The following CFAP47 variants were observed in gnomAD, a reference collection of about 807,000 sequenced individuals.
The protein encoded by CFAP47 is cilia- and flagella-associated protein 47.
In CFAP47, 29 loss-of-function variants were observed where a neutral mutation model predicts 148.1. The ratio of observed to expected loss-of-function variants is 0.20; its 90% CI spans 0.15 to 0.27. The LOEUF is 0.27. Among genes scored for constraint, CFAP47 ranks in the 10% least tolerant of loss-of-function variants. The probability of loss-of-function intolerance (pLI) is 1.00; values close to 1 mark genes in which losing one functional copy is unlikely to be tolerated. For synonymous variants in CFAP47, 664 were observed against 577.3 expected (o/e 1.15, Z -2.15); for missense variants, 1,872 against 1,697.5 (o/e 1.10, Z -1.81).
chrX:36,130,503 G>T (rs1938927901), intron 33 of CFAP47, among the ~76,000 whole-genome samples: 1 of 111,235 alleles, frequency 9.0e-6, no homozygotes, highest in East Asian at 2.8e-4. Context: ...AATCACTATA[G>T]AGAACAGTTT....
At chrX:36,283,312 T>C (rs1205240860) in intron 50 of CFAP47, among the ~76,000 whole-genome samples, 3 of 111,733 alleles carry the variant, frequency 2.7e-5, no homozygotes, top group African/African-American at 9.7e-5. Flanking sequence ...CAATAAATCA[T>C]TCACCAATCC....
chrX:36,381,794 GCTTTAT>G (rs782290346), intron 63 of CFAP47, among the ~76,000 whole-genome samples: 1 of 109,756 alleles, frequency 9.1e-6, no homozygotes, highest in East Asian at 2.8e-4. Flanking sequence ...AATATATGAT[GCTTTAT>G]CTTTATACTT....
At chrX:36,179,236 T>C (rs1025095500) in intron 39 of CFAP47, 109 bp from the exon 40 acceptor site, 3 of 275,222 alleles carry the variant, frequency 1.1e-5, no homozygotes, top group Non-Finnish European at 1.9e-5. Flanking sequence ...TTTATTCTGA[T>C]TCTAAGGATA....
At chrX:35,964,563 T>A (rs959347134) in intron 8 of CFAP47, among the ~76,000 whole-genome samples, 1 of 111,138 alleles carries the variant, frequency 9.0e-6, no homozygotes, top group Admixed American at 9.6e-5. Flanking sequence ...TTTCTTTCTC[T>A]CTTCTCCTTT....
intron 27 of CFAP47, among the ~76,000 whole-genome samples, chrX:36,068,588 CAGT>C (rs1937683386): frequency 9.0e-6 from 1 of 111,410 alleles, no homozygotes; most frequent in African/African-American, 3.3e-5. Context: ...TGGAATAATG[CAGT>C]TGGCAGAGTG....
rs1250173688 is a variant in CFAP47 at position 36,080,048 on chromosome X, T to C, written c.4692-5266T>C. ...ATACCCATCTGATAAAGGGCTAATA[T>C]CCAGAATCTACAAAGAACTTAAACA... On this transcript the variant is annotated intron_variant, in intron 29 of 63. Coordinates refer to ENST00000378653, the MANE Select transcript of CFAP47 (RefSeq NM_001304548.2). 3.6e-5 allele frequency among the ~76,000 whole-genome samples: 4 copies of C among 111,367 alleles called. No homozygotes were observed. The East Asian group carries it at 1.1e-3, about 31-fold the overall frequency.
chrX:36,211,543 A>G (rs1940100635), intron 45 of CFAP47: 3 of 305,272 alleles, frequency 9.8e-6, no homozygotes, highest in African/African-American at 5.6e-5. Flanking sequence ...AAGCAGCCTC[A>G]TGAAAAGAAG....
chrX:36,136,101 G>C (rs1453835873), intron 33 of CFAP47, among the ~76,000 whole-genome samples: 1 of 110,850 alleles, frequency 9.0e-6, no homozygotes, highest in East Asian at 2.9e-4. Context: ...ATGAGATTGA[G>C]ATTTTTCACT....
chrX:36,380,512 C>T (rs1378585519), intron 63 of CFAP47, among the ~76,000 whole-genome samples: 3 of 112,002 alleles, frequency 2.7e-5, no homozygotes, highest in Non-Finnish European at 5.6e-5. Context: ...GGCACGATCT[C>T]GGCTCACTGC....
intron 2 of CFAP47, among the ~76,000 whole-genome samples, chrX:35,928,568 T>C (rs1935779922): frequency 9.0e-6 from 1 of 111,663 alleles, no homozygotes; most frequent in African/African-American, 3.3e-5. Context: ...TTGATGGTTA[T>C]GTGGCTTGCA....
intron 52 of CFAP47, 87 bp downstream of exon 52, chrX:36,299,239 A>C: frequency 7.6e-6 from 4 of 523,920 alleles, no homozygotes; most frequent in Non-Finnish European, 1.1e-5. Context: ...TATAATCATT[A>C]AAATTACACT....
At chrX:36,065,885 G>C (rs1209321589) in intron 27 of CFAP47, 142 bp downstream of exon 27, 5 of 401,540 alleles carry the variant, frequency 1.2e-5, no homozygotes, top group South Asian at 4.5e-5. Flanking sequence ...ATTGAGAGTA[G>C]AATCTGTATG....
chrX:35,953,668 G>A lies in CFAP47; in HGVS notation c.1123G>A (p.Val375Ile), dbSNP rs145395039. ...DYALFLRFES[V>I]GSKDGFLRDD... ...TGCTCTCTTTTTGAGATTTGAGTCC[G>A]TAGGAAGTAAAGATGGATTTTTGAG... Residue 375 changes from valine to isoleucine, a missense_variant, in exon 7 of 64, where the codon GTA (valine) becomes ATA (isoleucine). Physicochemically the swap from Val to Ile is conservative, Grantham distance 29. Transcript: ENST00000378653. The A allele has an allele frequency of 1.2e-5, 15 of 1,200,008 alleles. No homozygotes were observed. The highest frequency in any genetic ancestry group is 5.3e-5 in the South Asian group (3 of 56,250).
intron 39 of CFAP47, among the ~76,000 whole-genome samples, chrX:36,172,581 G>A (rs1311911623): frequency 6.3e-5 from 7 of 110,305 alleles, no homozygotes; most frequent in African/African-American, 2.3e-4. Context: ...CTTTGGTTCT[G>A]TTTATATGCT....
rs924775800 is a variant in CFAP47, at chrX:35,924,279, A to G, written c.250-1738A>G. ...GACATGTATGTGTACATGTATGTGT[A>G]TATGTACATGTATGTGTACACATAT... is the stretch of plus-strand genomic sequence containing the variant. On this transcript the variant is annotated intron_variant, in intron 1 of 63. Coordinates refer to ENST00000378653, the MANE Select transcript of CFAP47 (RefSeq NM_001304548.2). Among the ~76,000 whole-genome samples, 4 of 104,798 alleles carry G rather than the reference A, an allele frequency of 3.8e-5. 1 individual carries two copies. The highest frequency in any genetic ancestry group is 3.9e-4 in the South Asian group (1 of 2,552). 91.0% of individuals were successfully genotyped at this position (104,798 alleles called of 115,157 possible).
At chrX:36,256,998 C>G (rs782712583) in intron 49 of CFAP47, among the ~76,000 whole-genome samples, 19 of 112,308 alleles carry the variant, frequency 1.7e-4, no homozygotes, top group African/African-American at 5.8e-4. Context: ...AAAATAGAAA[C>G]CCATGAATGT....
chrX:36,287,950 C>A (rs1470874443), intron 51 of CFAP47, among the ~76,000 whole-genome samples: 2 of 111,742 alleles, frequency 1.8e-5, no homozygotes, highest in East Asian at 5.6e-4. Flanking sequence ...TATATTATTT[C>A]CTAATATTAT....
At chrX:35,990,041 T>C (rs138354982) in intron 16 of CFAP47, 1,866 of 111,951 alleles carry the variant, frequency 0.017, 45 homozygotes, top group African/African-American at 0.058. Context: ...ATGTGTAAAT[T>C]AGTTTTATTT....
At chrX:35,977,300 T>C (rs1230514692) in intron 15 of CFAP47, among the ~76,000 whole-genome samples, 1 of 112,147 alleles carries the variant, frequency 8.9e-6, no homozygotes, top group Non-Finnish European at 1.9e-5. Flanking sequence ...TTTCCTCATC[T>C]GTAAAATGGA....
Sources: gnomAD v4.1 joint callset for allele counts (sites outside exome capture counted in the v4.1 genomes callset) on GRCh38, gnomAD v4.1.1 for gene constraint, MANE v1.5 for transcripts, NCBI Gene and HGNC (gene_info 2026-07-23, HGNC 2026-07-21) for gene names.